GMDS: variants seen among roughly 807,000 people sequenced by gnomAD.
GMDS encodes the protein GDP-mannose 4,6-dehydratase.
In GMDS, 20 loss-of-function variants were observed where a neutral mutation model predicts 49.9. That is an observed-to-expected ratio of 0.40 (90% CI 0.28 to 0.58). GMDS has a LOEUF of 0.58. GMDS is among the 20% of genes least tolerant of loss of function. The pLI, the probability that GMDS is intolerant of heterozygous loss-of-function variation, is 0.42. For synonymous variants in GMDS, 177 were observed against 178.6 expected (o/e 0.99, Z 0.07); for missense variants, 362 against 481.4 (o/e 0.75, Z 2.32).
chr6:1,823,512 A>G (rs1377701070), intron 7 of GMDS, among the ~76,000 whole-genome samples: 1 of 152,142 alleles, frequency 6.6e-6, no homozygotes, highest in East Asian at 1.9e-4. Context: ...GGCTCCTAGG[A>G]CACTACAAAT....
intron 7 of GMDS, among the ~76,000 whole-genome samples, chr6:1,776,083 C>G (rs1305449739): frequency 6.6e-6 from 1 of 152,176 alleles, no homozygotes; most frequent in East Asian, 1.9e-4. Flanking sequence ...CAGCTGGACT[C>G]AGAGACTCAG....
chr6:2,000,004 ATATATTTTTTATATATATATATATC>A lies in GMDS; in HGVS notation c.346-39063_346-39039del, dbSNP rs1561962020. ...TATTTTATATATATATATTATATATATATATTTTTTATATATATATATATCTATATCTTTTTTTTTTTTTTTTTGA... is the reference window on the plus strand; with the variant it reads ...TATTTTATATATATATATTATATATATATATCTTTTTTTTTTTTTTTTTGA... On this transcript the variant is annotated intron_variant, in intron 4 of 10. Coordinates refer to ENST00000380815, the MANE Select transcript of GMDS (RefSeq NM_001500.4). Among the ~76,000 whole-genome samples, 6 of 19,216 alleles carry A rather than the reference ATATATTTTTTATATATATATATATC, an allele frequency of 3.1e-4. 1 individual carries two copies. The highest frequency in any genetic ancestry group is 3.2e-4 in the Non-Finnish European group (3 of 9,388). 12.6% of individuals were successfully genotyped at this position (19,216 alleles called of 152,430 possible).
At chr6:1,944,534 G>A (rs1046562710) in intron 6 of GMDS, among the ~76,000 whole-genome samples, 1 of 151,768 alleles carries the variant, frequency 6.6e-6, no homozygotes, top group Non-Finnish European at 1.5e-5. Context: ...GCCAGGCGTG[G>A]TGGCGGGCGC....
At chr6:1,767,223 G>T (rs890487120) in intron 7 of GMDS, among the ~76,000 whole-genome samples, 2 of 151,294 alleles carry the variant, frequency 1.3e-5, no homozygotes, top group Admixed American at 6.6e-5. Flanking sequence ...TTCATTAAAC[G>T]CATAAAAGAA....
chr6:1,758,425 T>C (rs1581147675), intron 7 of GMDS, among the ~76,000 whole-genome samples: 2 of 152,192 alleles, frequency 1.3e-5, no homozygotes, highest in South Asian at 2.1e-4. Context: ...CATACCACAC[T>C]CTCTCCCCAA....
intron 4 of GMDS, among the ~76,000 whole-genome samples, chr6:2,076,819 C>T (rs1023897822): frequency 2.0e-5 from 3 of 152,272 alleles, no homozygotes; most frequent in Non-Finnish European, 4.4e-5. Flanking sequence ...TAGAAGAAAA[C>T]CTAGGCAATA....
At chr6:1,928,182 C>T (rs1762115662) in intron 7 of GMDS, among the ~76,000 whole-genome samples, 1 of 152,094 alleles carries the variant, frequency 6.6e-6, no homozygotes, top group South Asian at 2.1e-4. Context: ...CTGGTCAACA[C>T]AGTGAAACCC....
At chr6:1,784,390 CAAAAAAA>C (rs780517217) in intron 7 of GMDS, among the ~76,000 whole-genome samples, 46 of 40,492 alleles carry the variant, frequency 1.1e-3, no homozygotes, top group Non-Finnish European at 1.3e-3. Context: ...AGACTCGTCT[CAAAAAAA>C]AAAAAAAAAA....
chr6:1,641,281 C>A (rs1474788090), intron 9 of GMDS, among the ~76,000 whole-genome samples: 3 of 152,162 alleles, frequency 2.0e-5, no homozygotes, highest in Non-Finnish European at 2.9e-5. Flanking sequence ...AGGGGCTAGT[C>A]TTGTGTTCCT....
intron 1 of GMDS, among the ~76,000 whole-genome samples, chr6:2,221,631 GAC>G (rs1561668195): frequency 8.5e-5 from 13 of 152,136 alleles, no homozygotes; most frequent in African/African-American, 2.9e-4. Context: ...CTCGTGATCC[GAC>G]TGCCTCGGCC....
chr6:1,866,804 C>A (rs977137469), intron 7 of GMDS, among the ~76,000 whole-genome samples: 2 of 152,180 alleles, frequency 1.3e-5, no homozygotes, highest in East Asian at 3.8e-4. Flanking sequence ...ACAGTGCCCC[C>A]CCGGGGTACC....
At chr6:1,966,813 C>G (rs961110823) in intron 4 of GMDS, among the ~76,000 whole-genome samples, 1 of 152,158 alleles carries the variant, frequency 6.6e-6, no homozygotes, top group African/African-American at 2.4e-5. Context: ...CCAAGCAAAA[C>G]CTAGAAATCT....
At chr6:2,097,256 C>T (rs1374369989) in intron 4 of GMDS, among the ~76,000 whole-genome samples, 3 of 151,972 alleles carry the variant, frequency 2.0e-5, no homozygotes, top group African/African-American at 7.3e-5. Context: ...TACACAAGCC[C>T]CCACAGAATA....
chr6:1,875,976 C>T (rs573727798), intron 7 of GMDS, among the ~76,000 whole-genome samples: 1 of 150,952 alleles, frequency 6.6e-6, no homozygotes, highest in Admixed American at 6.6e-5. Flanking sequence ...CGAGATCGTG[C>T]CATTGCACTC....
At chr6:2,013,714 T>C (rs1290046671) in intron 4 of GMDS, among the ~76,000 whole-genome samples, 1 of 151,550 alleles carries the variant, frequency 6.6e-6, no homozygotes, top group Non-Finnish European at 1.5e-5. Context: ...AATAGATGCA[T>C]CGCAAACTAC....
intron 7 of GMDS, among the ~76,000 whole-genome samples, chr6:1,924,186 C>A (rs760881418): frequency 3.9e-5 from 6 of 152,232 alleles, no homozygotes; most frequent in Non-Finnish European, 8.8e-5. Flanking sequence ...AAGTGCTTAA[C>A]ATTTGGCAAT....
At chr6:1,991,564 C>T (rs1310289404) in intron 4 of GMDS, among the ~76,000 whole-genome samples, 1 of 152,170 alleles carries the variant, frequency 6.6e-6, no homozygotes, top group African/African-American at 2.4e-5. Flanking sequence ...TCCTGACTTT[C>T]CTGAGTGTTG....
intron 9 of GMDS, among the ~76,000 whole-genome samples, chr6:1,662,341 T>C (rs1039542508): frequency 2.6e-5 from 4 of 152,038 alleles, no homozygotes; most frequent in African/African-American, 7.2e-5. Flanking sequence ...ACTCTGGACG[T>C]TGGAAACAGT....
At chr6:1,661,531 GTTTGGAAGCACCTGATCCAGCA>G (rs1238785847) in intron 9 of GMDS, among the ~76,000 whole-genome samples, 2 of 152,356 alleles carry the variant, frequency 1.3e-5, no homozygotes, top group Non-Finnish European at 2.9e-5. Flanking sequence ...TGGGAATGTA[GTTTGGAAGCACCTGATCCAGCA>G]CACACGGAGG....
Sources: allele counts gnomAD v4.1 joint callset (sites outside exome capture counted in the v4.1 genomes callset), GRCh38; gene constraint gnomAD v4.1.1; transcripts MANE v1.5; gene names NCBI Gene and HGNC (gene_info 2026-07-23, HGNC 2026-07-21).